The following PANX2 variants were observed in gnomAD, a reference collection of about 807,000 sequenced individuals.
PANX2 encodes pannexin-2.
In PANX2, 30 loss-of-function variants were observed where a neutral mutation model predicts 38.7. The ratio of observed to expected loss-of-function variants is 0.78; its 90% CI spans 0.58 to 1.05. PANX2 has a LOEUF of 1.05. Ranked by LOEUF, PANX2 falls within the 50% of genes least tolerant of loss-of-function variation. The pLI, the probability that PANX2 is intolerant of heterozygous loss-of-function variation, is 0.00. For synonymous variants in PANX2, 539 were observed against 472.1 expected (o/e 1.14, Z -1.84); for missense variants, 880 against 979.3 (o/e 0.90, Z 1.35).
At chr22:50,174,667 T>A (rs2063652673) in intron 1 of PANX2, among the ~76,000 whole-genome samples, 1 of 152,200 alleles carries the variant, frequency 6.6e-6, no homozygotes, top group Admixed American at 6.5e-5. Context: ...TGCCTTCCGT[T>A]TGGACACCTG....
intron 1 of PANX2, among the ~76,000 whole-genome samples, chr22:50,175,914 G>C (rs1381075095): frequency 2.0e-5 from 3 of 152,246 alleles, no homozygotes; most frequent in Admixed American, 2.0e-4. Flanking sequence ...TTCAGGCCTC[G>C]GCACAGACGG....
At position 50,178,364 on chromosome 22, in the gene PANX2, A is replaced by G; in HGVS notation, c.1652A>G (p.Glu551Gly). The G allele has an allele frequency of 6.8e-7, 1 of 1,479,956 alleles. No individual in the cohort carries two copies. The highest frequency in any genetic ancestry group is 8.9e-7 in the Non-Finnish European group (1 of 1,122,956). The allele number at this position is 1,479,956 out of a possible 1,614,324, so 91.7% of individuals were successfully genotyped here. A position where few individuals can be genotyped will look rare whatever the true frequency, so the allele number is the denominator to read the frequency against. Residue 551 changes from glutamate (E) to glycine (G), a missense_variant, in exon 2 of 3, where the codon GAG (glutamate) becomes GGG (glycine). This residue lies in a region of PANX2 where 445 missense variants were observed against 404.3 expected (regional missense o/e 1.10). Coordinates refer to ENST00000395842, the MANE Select transcript of PANX2 (RefSeq NM_052839.4). ...SQEGGFLSQA[E>G]DCGLGLAPAP... ...GAGGGGGGCTTCCTGTCCCAGGCGG[A>G]GGACTGTGGGCTAGGCCTGGCCCCG...
chr22:50,175,446 T>C, intron 1 of PANX2: 1 of 1,300,920 alleles, frequency 7.7e-7, no homozygotes, highest in Non-Finnish European at 1.0e-6. Flanking sequence ...GACGCTCTTC[T>C]CTGGCTCCTG....
Position 50,178,391 on chromosome 22 carries a change from C to T in PANX2, c.1679C>T (p.Ala560Val), listed in dbSNP as rs1279249160. 2.8e-6 allele frequency: 4 copies of T among 1,421,856 alleles called. No individual in the cohort carries two copies. The South Asian group carries it at 4.5e-5, about 16-fold the overall frequency. The allele number at this position is 1,421,856 out of a possible 1,614,324, so 88.1% of individuals were successfully genotyped here. The change falls in exon 2 of 3, where the codon GCG (alanine) becomes GTG (valine). Residue 560 changes from alanine to valine, a missense_variant. Ala to Val is a moderately conservative substitution (Grantham distance 64). Transcript: ENST00000395842. ...GACTGTGGGCTAGGCCTGGCCCCGG[C>T]GCCCATCAAAGGTAGGGGCAGGGCC... ...AEDCGLGLAPAPIKDAPLPEK... is the reference protein window; with the variant it reads ...AEDCGLGLAPVPIKDAPLPEK...
intron 1 of PANX2, 75 bp downstream of exon 1, chr22:50,171,031 C>G: frequency 1.3e-6 from 1 of 751,934 alleles, no homozygotes; most frequent in Non-Finnish European, 1.9e-6. Flanking sequence ...GCGCTTCCCG[C>G]GTCCCCGGCG....
Position 50,177,089 on chromosome 22 carries a change from A to G in PANX2, c.377A>G (p.Tyr126Cys), listed in dbSNP as rs1460622777. Residue 126 changes from tyrosine to cysteine, a missense_variant, in exon 2 of 3, where the codon TAC becomes TGC. By Grantham distance (194) the Tyr-to-Cys change is radical. Coordinates refer to ENST00000395842, the MANE Select transcript of PANX2 (RefSeq NM_052839.4). ...CTGTTTGAGCACAAGTTCCTGCCCT[A>G]CGCGCTGCTGGCCTTCGCCGCCATC... Reference protein sequence around the residue: ...PSLFEHKFLPYALLAFAAIMY... With the variant: ...PSLFEHKFLPCALLAFAAIMY... 3 of 1,610,930 alleles carry G rather than the reference A, an allele frequency of 1.9e-6. No individual in the cohort carries two copies. The highest frequency in any genetic ancestry group is 1.7e-6 in the Non-Finnish European group (2 of 1,179,112).
Position 50,179,369 on chromosome 22 carries a change from G to A in PANX2, c.*92G>A, listed in dbSNP as rs2147066051. The A allele has an allele frequency of 8.4e-7, 1 of 1,194,716 alleles. No individual in the cohort carries two copies. The highest frequency in any genetic ancestry group is 1.4e-5 in the South Asian group (1 of 71,178). The allele number at this position is 1,194,716 out of a possible 1,614,324, so 74.0% of individuals were successfully genotyped here. A position where few individuals can be genotyped will look rare whatever the true frequency, so the allele number is the denominator to read the frequency against. The stretch of plus-strand genomic sequence containing the variant: ...GTGGACACCAGCCCTGCGTGGACGT[G>A]GCCTGTGCTTCGCCCGCACTGCGCG... On this transcript the variant is annotated 3_prime_UTR_variant, in exon 3 of 3. Transcript: ENST00000395842.
At position 50,177,915 on chromosome 22, in the gene PANX2, G is replaced by A; in HGVS notation, c.1203G>A (p.Gly401=). ...CCACCCCCACGGTGCGCGACTCGGG[G>A]GTGCAGACCGTGGACCCCAGCGCCA... ...HDATPTVRDS[G]VQTVDPSANP... Residue 401 remains glycine, a synonymous_variant, in exon 2 of 3, where the codon GGG becomes GGA. Coordinates refer to ENST00000395842, the MANE Select transcript of PANX2 (RefSeq NM_052839.4). 3 of 1,529,930 alleles carry A rather than the reference G, an allele frequency of 2.0e-6. No homozygotes were observed. The South Asian group carries it at 3.6e-5, about 18-fold the overall frequency. The allele number at this position is 1,529,930 out of a possible 1,614,324, so 94.8% of individuals were successfully genotyped here.
chr22:50,176,971 T>C lies in PANX2; in HGVS notation c.259T>C (p.Phe87Leu). The C allele has an allele frequency of 6.4e-7, 1 of 1,564,092 alleles. No individual in the cohort carries two copies. Among genetic ancestry groups the C allele is most frequent in the Non-Finnish European group, 8.6e-7 (1 of 1,162,582 alleles). ...CATTTACTGTTACACCCCGCACAAC[T>C]TCACGCGCGACCAGGCGCTGTACGC... ...EPIYCYTPHN[F>L]TRDQALYARG... The change falls in exon 2 of 3, where the codon TTC becomes CTC. Residue 87 changes from phenylalanine to leucine, a missense_variant. Physicochemically the swap from Phe to Leu is conservative, Grantham distance 22. Transcript: ENST00000395842.
intron 1 of PANX2, among the ~76,000 whole-genome samples, chr22:50,173,994 A>G (rs900673669): frequency 2.0e-5 from 3 of 152,076 alleles, no homozygotes; most frequent in African/African-American, 7.2e-5. Flanking sequence ...GGGATGTGGC[A>G]TCTTTGGGGG....
In PANX2 at chr22:50,177,216, G is replaced by A. The variant is rs1217145086; in HGVS notation, c.504G>A (p.Ala168=). The A allele has an allele frequency of 1.2e-6, 2 of 1,610,572 alleles. No homozygotes were observed. The highest frequency in any genetic ancestry group is 1.7e-6 in the Non-Finnish European group (2 of 1,178,956). Residue 168 remains alanine (A), a synonymous_variant, in exon 2 of 3, where the codon GCG becomes GCA. Coordinates refer to ENST00000395842, the MANE Select transcript of PANX2 (RefSeq NM_052839.4). ...LQEIDNCYHR[A]AEGRAPKIEK... The stretch of plus-strand genomic sequence containing the variant: ...AGATCGACAACTGTTACCACCGGGC[G>A]GCCGAGGGCCGCGCGCCCAAGATCG...
chr22:50,171,008 T>C, intron 1 of PANX2, 52 bp downstream of exon 1: 2 of 1,012,664 alleles, frequency 2.0e-6, no homozygotes, highest in Non-Finnish European at 2.7e-6. Context: ...CGTCCGCAGG[T>C]GTCCGGGAGC....
At chr22:50,173,234 T>C (rs942409809) in intron 1 of PANX2, among the ~76,000 whole-genome samples, 2 of 152,220 alleles carry the variant, frequency 1.3e-5, no homozygotes, top group African/African-American at 4.8e-5. Flanking sequence ...GGTTTTGCCA[T>C]GTTGGCCAGG....
At chr22:50,172,914 T>TTTTTGG (rs1569065672) in intron 1 of PANX2, among the ~76,000 whole-genome samples, 1 of 145,144 alleles carries the variant, frequency 6.9e-6, no homozygotes, top group African/African-American at 2.5e-5. Context: ...TTTTTTTTTT[T>TTTTTGG]GAGACAGAGT....
rs150278474 is a variant in PANX2 at position 50,176,988 on chromosome 22, G to A, written c.276G>A (p.Ala92=). Residue 92 remains alanine, a synonymous_variant, in exon 2 of 3, where the codon GCG becomes GCA. Transcript: ENST00000395842. ...CGCACAACTTCACGCGCGACCAGGCGCTGTACGCCCGCGGCTACTGCTGGA... is the reference window on the plus strand; with the variant it reads ...CGCACAACTTCACGCGCGACCAGGCACTGTACGCCCGCGGCTACTGCTGGA... ...YTPHNFTRDQ[A]LYARGYCWTE... 3,930 of 1,583,674 alleles carry A rather than the reference G, an allele frequency of 2.5e-3. 7 individuals carry two copies. Among genetic ancestry groups the A allele is most frequent in the Non-Finnish European group, 2.8e-3 (3,238 of 1,170,740 alleles).
rs751638345 is a variant in PANX2, at chr22:50,177,480, G to A, written c.768G>A (p.Glu256=). 4 of 1,609,042 alleles carry A rather than the reference G, an allele frequency of 2.5e-6. No homozygotes were observed. In the East Asian group the frequency reaches 8.9e-5, roughly 36 times the overall value. The stretch of plus-strand genomic sequence containing the variant: ...ACTACGCCACGCAGAAGCAGAACGA[G>A]TTCACCTGCGCGCTGGGCGCGTCCC... ...CTYYATQKQN[E]FTCALGASPD... The change falls in exon 2 of 3, where the codon GAG becomes GAA. Residue 256 remains glutamate, a synonymous_variant. Transcript: ENST00000395842.
At chr22:50,173,486 C>T (rs73187233) in intron 1 of PANX2, among the ~76,000 whole-genome samples, 1 of 152,224 alleles carries the variant, frequency 6.6e-6, no homozygotes, top group Non-Finnish European at 1.5e-5. Context: ...CCTGAGGGCC[C>T]GTGTGGCCAG....
chr22:50,173,326 C>A (rs2063644816), intron 1 of PANX2, among the ~76,000 whole-genome samples: 1 of 152,286 alleles, frequency 6.6e-6, no homozygotes, highest in Admixed American at 6.5e-5. Flanking sequence ...AGCCACCGCA[C>A]CCGGCCCAAC....
intron 1 of PANX2, among the ~76,000 whole-genome samples, chr22:50,174,288 G>A (rs1371245729): frequency 6.6e-6 from 1 of 151,790 alleles, no homozygotes; most frequent in African/African-American, 2.4e-5. Flanking sequence ...AGGCCAGATC[G>A]CAGGGGTGGG....
Sources: gnomAD v4.1 joint callset for allele counts (sites outside exome capture counted in the v4.1 genomes callset) on GRCh38, gnomAD v4.1.1 for gene constraint, gnomAD v4.1.1 regional missense constraint, MANE v1.5 for transcripts, NCBI Gene and HGNC (gene_info 2026-07-23, HGNC 2026-07-21) for gene names.